HHAT: variants seen among roughly 807,000 people sequenced by gnomAD.
The protein encoded by HHAT is hedgehog acyltransferase.
A neutral mutation model predicts 70.8 loss-of-function variants in HHAT; 47 were observed. The ratio of observed to expected loss-of-function variants is 0.66; its 90% confidence interval spans 0.53 to 0.85. HHAT has a LOEUF of 0.85. HHAT is among the 40% of genes least tolerant of loss of function. The probability of loss-of-function intolerance (pLI) is 0.00; values close to 1 mark genes in which losing one functional copy is unlikely to be tolerated. For missense variants in HHAT, 609 were observed against 604.8 expected (o/e 1.01, Z -0.07); for synonymous variants, 228 against 247.6 (o/e 0.92, Z 0.74).
intron 9 of HHAT, among the ~76,000 whole-genome samples, chr1:210,558,813 C>T (rs191766569): frequency 6.6e-6 from 1 of 152,122 alleles, no homozygotes; most frequent in Admixed American, 6.5e-5. Context: ...GGGTTGGGGT[C>T]ATGTGGCTGG....
chr1:210,377,832 G>T (rs577866042), intron 3 of HHAT, among the ~76,000 whole-genome samples: 2 of 152,232 alleles, frequency 1.3e-5, no homozygotes, highest in African/African-American at 4.8e-5. Flanking sequence ...CAGTAGAACA[G>T]GGCAGCCTGT....
intron 10 of HHAT, among the ~76,000 whole-genome samples, chr1:210,604,974 C>T (rs2148827398): frequency 6.6e-6 from 1 of 152,210 alleles, no homozygotes; most frequent in East Asian, 1.9e-4. Flanking sequence ...TGTGATTGTA[C>T]TTGGCAAATA....
intron 6 of HHAT, among the ~76,000 whole-genome samples, chr1:210,417,926 A>G (rs955690930): frequency 3.9e-5 from 6 of 152,104 alleles, no homozygotes; most frequent in Non-Finnish European, 8.8e-5. Context: ...TCTTGGCACT[A>G]GGCTAGCTTG....
At chr1:210,560,768 A>G (rs1227175033) in intron 9 of HHAT, among the ~76,000 whole-genome samples, 1 of 136,348 alleles carries the variant, frequency 7.3e-6, no homozygotes, top group African/African-American at 2.7e-5. Flanking sequence ...AGCTATGATC[A>G]TGCCACTGCA....
chr1:210,600,440 A>C (rs1573628573), intron 10 of HHAT, among the ~76,000 whole-genome samples: 1 of 152,196 alleles, frequency 6.6e-6, no homozygotes, highest in Non-Finnish European at 1.5e-5. Flanking sequence ...CAGCATAGAT[A>C]CAAATAGGTC....
At chr1:210,531,368 T>A (rs1182178115) in intron 9 of HHAT, among the ~76,000 whole-genome samples, 1 of 152,234 alleles carries the variant, frequency 6.6e-6, no homozygotes, top group East Asian at 1.9e-4. Context: ...CTGGTGGACC[T>A]CTGGCCTGTA....
intron 4 of HHAT, among the ~76,000 whole-genome samples, chr1:210,390,569 A>G (rs914075164): frequency 6.6e-6 from 1 of 152,094 alleles, no homozygotes; most frequent in Non-Finnish European, 1.5e-5. Flanking sequence ...TAAATTCTTC[A>G]GTGGTGATTT....
chr1:210,518,063 T>G (rs1203139582), intron 9 of HHAT, among the ~76,000 whole-genome samples: 1 of 152,224 alleles, frequency 6.6e-6, no homozygotes, highest in Non-Finnish European at 1.5e-5. Flanking sequence ...AGCATATTGG[T>G]CATCTCATAC....
chr1:210,466,292 C>T (rs1320652488), intron 8 of HHAT, among the ~76,000 whole-genome samples: 1 of 152,232 alleles, frequency 6.6e-6, no homozygotes, highest in Non-Finnish European at 1.5e-5. Context: ...AGTAGTTACT[C>T]TGATTTGTCC....
intron 8 of HHAT, among the ~76,000 whole-genome samples, chr1:210,484,601 A>T (rs1161826684): frequency 6.6e-6 from 1 of 151,720 alleles, no homozygotes; most frequent in Non-Finnish European, 1.5e-5. Flanking sequence ...ACTTAGTGTT[A>T]TGGATTATTT....
intron 9 of HHAT, among the ~76,000 whole-genome samples, chr1:210,561,003 A>ATAC (rs1268713716): frequency 4.6e-5 from 7 of 152,094 alleles, no homozygotes; most frequent in Non-Finnish European, 1.0e-4. Flanking sequence ...AGGTTCTTTG[A>ATAC]TACATCTTTT....
At chr1:210,473,134 G>T (rs2094235952) in intron 8 of HHAT, among the ~76,000 whole-genome samples, 1 of 152,196 alleles carries the variant, frequency 6.6e-6, no homozygotes, top group Non-Finnish European at 1.5e-5. Context: ...AGACAGCTTT[G>T]CAGGGTCATT....
At chr1:210,550,224 T>G (rs1041016669) in intron 9 of HHAT, among the ~76,000 whole-genome samples, 14 of 149,484 alleles carry the variant, frequency 9.4e-5, no homozygotes, top group Non-Finnish European at 1.9e-4. Context: ...CACTGACTTA[T>G]TCTTCAGCTG....
chr1:210,657,353 G>T (rs1216586639), intron 11 of HHAT, among the ~76,000 whole-genome samples: 1 of 152,192 alleles, frequency 6.6e-6, no homozygotes, highest in African/African-American at 2.4e-5. Flanking sequence ...CTTTCAACCA[G>T]TCCCAATCTT....
intron 8 of HHAT, among the ~76,000 whole-genome samples, chr1:210,507,114 C>G (rs1041978681): frequency 1.3e-5 from 2 of 152,116 alleles, no homozygotes; most frequent in Non-Finnish European, 2.9e-5. Context: ...GGTGTCTGCT[C>G]TGAGCTAGAT....
chr1:210,590,358 G>A (rs1189627474), intron 10 of HHAT: 2 of 151,954 alleles, frequency 1.3e-5, no homozygotes, highest in African/African-American at 4.8e-5. Context: ...AGTTAATTAT[G>A]CATGCCCCTC....
intron 7 of HHAT, among the ~76,000 whole-genome samples, chr1:210,447,206 T>C (rs1233396896): frequency 3.9e-5 from 6 of 152,184 alleles, no homozygotes; most frequent in Non-Finnish European, 8.8e-5. Flanking sequence ...AGAATCATAG[T>C]ACTTACACAG....
chr1:210,618,624 A>C (rs114356817), intron 10 of HHAT, among the ~76,000 whole-genome samples: 2,654 of 151,798 alleles, frequency 0.017, 36 homozygotes, highest in Middle Eastern at 0.041. Flanking sequence ...TCTCAGCCCC[A>C]CATGCAGCCC....
At chr1:210,410,523 ATTT>A (rs35608235) in intron 6 of HHAT, among the ~76,000 whole-genome samples, 4,508 of 116,252 alleles carry the variant, frequency 0.039, 189 homozygotes, top group African/African-American at 0.11. Context: ...TTATTTGTAA[ATTT>A]TTTTTTTTTT....
Sources: allele counts gnomAD v4.1 joint callset (sites outside exome capture counted in the v4.1 genomes callset), GRCh38; gene constraint gnomAD v4.1.1; transcripts MANE v1.5; gene names NCBI Gene and HGNC (gene_info 2026-07-23, HGNC 2026-07-21).